The following ROBO2 variants were observed in gnomAD, a reference collection of about 807,000 sequenced individuals.
ROBO2 encodes the protein roundabout homolog 2.
ROBO2 carries 53 observed loss-of-function variants against 160.8 expected under a neutral mutation model. That is an observed-to-expected ratio of 0.33 (90% confidence interval 0.26 to 0.41). The LOEUF is 0.41. Ranked by LOEUF, ROBO2 falls within the 10% of genes least tolerant of loss-of-function variation. The probability of loss-of-function intolerance (pLI) is 1.00; values close to 1 mark genes in which losing one functional copy is unlikely to be tolerated. For synonymous variants in ROBO2, 664 were observed against 611.7 expected (o/e 1.09, Z -1.26); for missense variants, 1,577 against 1,722.4 (o/e 0.92, Z 1.49).
intron 2 of ROBO2, among the ~76,000 whole-genome samples, chr3:76,626,626 C>G (rs933707860): frequency 6.6e-5 from 10 of 152,144 alleles, no homozygotes; most frequent in Admixed American, 5.2e-4. Flanking sequence ...GCCAACATCT[C>G]TATCCATTAT....
chr3:77,049,913 G>A (rs1379888425), intron 1 of ROBO2, among the ~76,000 whole-genome samples: 2 of 152,096 alleles, frequency 1.3e-5, no homozygotes. Flanking sequence ...TCATAAGTGT[G>A]ATTCAAAAAG....
intron 2 of ROBO2, among the ~76,000 whole-genome samples, chr3:76,283,678 G>A (rs1006670401): frequency 1.3e-5 from 2 of 151,970 alleles, no homozygotes; most frequent in Admixed American, 1.3e-4. Context: ...AGGATATGCA[G>A]TTCACTTTTT....
chr3:77,191,106 A>G (rs2081798501), intron 2 of ROBO2, among the ~76,000 whole-genome samples: 1 of 152,116 alleles, frequency 6.6e-6, no homozygotes, highest in African/African-American at 2.4e-5. Context: ...CACATTATAC[A>G]TGTGTGGGAT....
In ROBO2 at chr3:77,184,007, G is replaced by A. The variant is rs937279360; in HGVS notation, c.388+85667G>A. ...TTAGTATCTTTTCCCTTCTGATCCT[G>A]GACATCATTAGATACCATGAAACAA... is the stretch of plus-strand genomic sequence containing the variant. On this transcript the variant is annotated intron_variant, in intron 2 of 25. Coordinates refer to ENST00000461745, the Ensembl canonical transcript of ROBO2. Among the ~76,000 whole-genome samples the A allele has an allele frequency of 2.6e-5, 4 of 151,126 alleles. No homozygotes were observed. In the Admixed American group the frequency reaches 2.7e-4, roughly 10 times the overall value.
exon 1 of ROBO2, chr3:75,906,715 AG>A (rs1406350413): frequency 6.6e-6 from 1 of 152,304 alleles, no homozygotes; most frequent in African/African-American, 2.4e-5. Flanking sequence ...GGGAGGCGGA[AG>A]GACAGCGCTG....
intron 2 of ROBO2, among the ~76,000 whole-genome samples, chr3:76,612,992 G>A (rs947633624): frequency 3.3e-5 from 5 of 151,950 alleles, no homozygotes; most frequent in Non-Finnish European, 5.9e-5. Context: ...TGCATTTCTT[G>A]TAGGCAACAG....
At chr3:77,084,487 A>G (rs1270095867) in intron 1 of ROBO2, among the ~76,000 whole-genome samples, 1 of 152,110 alleles carries the variant, frequency 6.6e-6, no homozygotes, top group Non-Finnish European at 1.5e-5. Flanking sequence ...TTACATTTTT[A>G]TACCTCTGCC....
chr3:76,875,443 A>T (rs187827789), intron 2 of ROBO2, among the ~76,000 whole-genome samples: 12 of 152,220 alleles, frequency 7.9e-5, no homozygotes, highest in African/African-American at 2.9e-4. Flanking sequence ...GACAATATAC[A>T]TTAATCATAT....
intron 2 of ROBO2, among the ~76,000 whole-genome samples, chr3:76,123,904 TTTC>T (rs1345554249): frequency 6.6e-6 from 1 of 152,120 alleles, no homozygotes; most frequent in Non-Finnish European, 1.5e-5. Flanking sequence ...CCCCTTTTTC[TTTC>T]TTGCTTTTTT....
chr3:76,629,050 C>A (rs2089857912), intron 2 of ROBO2, among the ~76,000 whole-genome samples: 1 of 152,120 alleles, frequency 6.6e-6, no homozygotes, highest in South Asian at 2.1e-4. Context: ...CTGACTGTGC[C>A]ATCTCTCATC....
intron 2 of ROBO2, among the ~76,000 whole-genome samples, chr3:77,390,398 A>C (rs776964080): frequency 1.2e-4 from 18 of 152,130 alleles, no homozygotes; most frequent in Non-Finnish European, 1.9e-4. Context: ...CATGGGAGGC[A>C]CCTAGCAGAA....
At chr3:77,210,535 A>C (rs1241746628) in intron 2 of ROBO2, among the ~76,000 whole-genome samples, 1 of 152,192 alleles carries the variant, frequency 6.6e-6, no homozygotes, top group Non-Finnish European at 1.5e-5. Context: ...CTCGGTAAAG[A>C]AACATCAAAT....
intron 2 of ROBO2, among the ~76,000 whole-genome samples, chr3:77,298,730 C>A (rs989511182): frequency 2.0e-5 from 3 of 152,172 alleles, no homozygotes; most frequent in East Asian, 3.9e-4. Context: ...TTAAATTATT[C>A]TCTGTTACAG....
intron 2 of ROBO2, among the ~76,000 whole-genome samples, chr3:77,377,797 C>T (rs977275364): frequency 6.6e-6 from 1 of 152,162 alleles, no homozygotes; most frequent in Non-Finnish European, 1.5e-5. Context: ...ATTTTGTGAA[C>T]CTTACCTTAA....
intron 2 of ROBO2, among the ~76,000 whole-genome samples, chr3:76,841,822 T>C (rs1287394490): frequency 1.3e-5 from 2 of 152,178 alleles, no homozygotes; most frequent in East Asian, 3.9e-4. Flanking sequence ...TACTATTCAG[T>C]GCAAATTTGT....
intron 2 of ROBO2, among the ~76,000 whole-genome samples, chr3:76,097,111 G>A (rs906793979): frequency 1.6e-4 from 25 of 152,192 alleles, no homozygotes; most frequent in African/African-American, 6.0e-4. Flanking sequence ...GGTGGGAAAT[G>A]TAAAGAGACT....
rs1279045417 is a variant in ROBO2, at chr3:75,956,210, G to T, written c.109+18608G>T. Among the ~76,000 whole-genome samples the T allele has an allele frequency of 3.3e-5, 5 of 151,730 alleles. No individual in the cohort carries two copies. The East Asian group carries it at 9.8e-4, about 30-fold the overall frequency. ...AATGTAATTTTTGTCTTGAAATGAT[G>T]CCTGATCTCACAGAACTATGGCTTC... On this transcript the variant is annotated intron_variant, in intron 2 of 26. Transcript: ENST00000487694.
Position 77,635,014 on chromosome 3 carries a change from T to C in ROBO2, c.3905T>C (p.Leu1302Ser), listed in dbSNP as rs556228839. The C allele has an allele frequency of 1.4e-5, 23 of 1,613,984 alleles. No individual in the cohort carries two copies. The highest frequency in any genetic ancestry group is 1.9e-5 in the Non-Finnish European group (23 of 1,180,018). The change falls in exon 24 of 26, where the codon TTG becomes TCG. Residue 1302 changes from leucine to serine, a missense_variant. Coordinates refer to ENST00000461745, the Ensembl canonical transcript of ROBO2. ...GGGCGGATGGACCAACAACCAGCAT[T>C]GCCTCATCGAAGGGAAGGAATGACA...
intron 9 of ROBO2, 90 bp downstream of exon 10, chr3:77,558,239 T>A (rs2093196753): frequency 9.8e-7 from 1 of 1,022,688 alleles, no homozygotes; most frequent in African/African-American, 1.6e-5. Context: ...AAATCTTACA[T>A]CCTAGTATAA....
Sources: allele counts gnomAD v4.1 joint callset (sites outside exome capture counted in the v4.1 genomes callset), GRCh38; gene constraint gnomAD v4.1.1; transcripts MANE v1.5; gene names NCBI Gene and HGNC (gene_info 2026-07-23, HGNC 2026-07-21).